Variants in IMMP2L observed in about 807,000 individuals in gnomAD.
The protein encoded by IMMP2L is inner mitochondrial membrane peptidase subunit 2.
A neutral mutation model predicts 19.3 loss-of-function variants in IMMP2L; 18 were observed. The ratio of observed to expected loss-of-function variants is 0.93; its 90% CI spans 0.64 to 1.38. IMMP2L has a LOEUF of 1.38. IMMP2L is among the 40% of genes most tolerant of loss of function. The pLI is 0.00. For missense variants in IMMP2L, 233 were observed against 218.2 expected (o/e 1.07, Z -0.43); for synonymous variants, 76 against 73.0 (o/e 1.04, Z -0.21).
At chr7:111,038,572 G>A (rs901079064) in intron 3 of IMMP2L, among the ~76,000 whole-genome samples, 8 of 152,242 alleles carry the variant, frequency 5.3e-5, no homozygotes, top group South Asian at 2.1e-4. Context: ...TAACTAAAAT[G>A]TAAAGAGGTG....
At chr7:111,488,763 T>C (rs529844733) in intron 2 of IMMP2L, among the ~76,000 whole-genome samples, 1 of 152,292 alleles carries the variant, frequency 6.6e-6, no homozygotes, top group South Asian at 2.1e-4. Flanking sequence ...ACTTTAGTTA[T>C]TTAAGGAACC....
chr7:111,243,249 T>C (rs1815368083), intron 3 of IMMP2L, among the ~76,000 whole-genome samples: 1 of 151,994 alleles, frequency 6.6e-6, no homozygotes, highest in African/African-American at 2.4e-5. Flanking sequence ...AATTATAAAA[T>C]ATTTATTATG....
intron 3 of IMMP2L, among the ~76,000 whole-genome samples, chr7:111,172,099 A>T (rs1806510349): frequency 6.6e-6 from 1 of 151,520 alleles, no homozygotes; most frequent in African/African-American, 2.4e-5. Context: ...ATCTATGTAT[A>T]GTCAAGACTA....
chr7:111,459,566 G>A (rs912254864), intron 3 of IMMP2L, among the ~76,000 whole-genome samples: 1 of 151,928 alleles, frequency 6.6e-6, no homozygotes, highest in Admixed American at 6.6e-5. Context: ...CCCCCTTTAA[G>A]AGTAAACATG....
intron 5 of IMMP2L, among the ~76,000 whole-genome samples, chr7:110,706,597 T>C (rs1794698163): frequency 6.6e-6 from 1 of 152,194 alleles, no homozygotes; most frequent in Non-Finnish European, 1.5e-5. Context: ...TGCATTTCTC[T>C]GATGACTGGT....
chr7:110,800,305 G>A (rs1165000563), intron 5 of IMMP2L, among the ~76,000 whole-genome samples: 1 of 151,982 alleles, frequency 6.6e-6, no homozygotes, highest in Non-Finnish European at 1.5e-5. Context: ...AATACAGAGA[G>A]CAAATTATCA....
chr7:111,348,032 G>GC (rs376887470), intron 3 of IMMP2L, among the ~76,000 whole-genome samples: 1 of 150,926 alleles, frequency 6.6e-6, no homozygotes, highest in Admixed American at 6.6e-5. Context: ...GCAAACTATC[G>GC]CAAGGACAGA....
At chr7:111,444,672 G>T (rs1000237658) in intron 3 of IMMP2L, among the ~76,000 whole-genome samples, 1 of 151,930 alleles carries the variant, frequency 6.6e-6, no homozygotes, top group Non-Finnish European at 1.5e-5. Context: ...CAGCCATACA[G>T]ACAAAATTTA....
At chr7:111,137,667 T>C (rs1802479939) in intron 3 of IMMP2L, among the ~76,000 whole-genome samples, 1 of 152,212 alleles carries the variant, frequency 6.6e-6, no homozygotes, top group African/African-American at 2.4e-5. Flanking sequence ...TCAGAAGCAG[T>C]CCATTTCTAA....
intron 5 of IMMP2L, among the ~76,000 whole-genome samples, chr7:110,705,742 C>T (rs571845289): frequency 2.0e-5 from 3 of 152,056 alleles, no homozygotes; most frequent in South Asian, 4.2e-4. Context: ...CTTCCCCTCC[C>T]TTTCCCCCTT....
At chr7:110,818,135 T>C (rs1217431453) in intron 5 of IMMP2L, among the ~76,000 whole-genome samples, 12 of 150,040 alleles carry the variant, frequency 8.0e-5, no homozygotes, top group Non-Finnish European at 1.0e-4. Context: ...AACTAAAGAG[T>C]TTCTGCACAG....
intron 3 of IMMP2L, among the ~76,000 whole-genome samples, chr7:111,176,536 T>C (rs1352426341): frequency 6.6e-6 from 1 of 150,716 alleles, no homozygotes; most frequent in Non-Finnish European, 1.5e-5. Context: ...ACAAATCTCA[T>C]GTTTTCACTT....
intron 5 of IMMP2L, among the ~76,000 whole-genome samples, chr7:110,846,032 T>G (rs1005539292): frequency 7.9e-5 from 12 of 152,156 alleles, no homozygotes; most frequent in African/African-American, 2.2e-4. Context: ...ATTCTAAGTT[T>G]CCTAGTTTAT....
chr7:110,771,671 G>A (rs375074474), intron 5 of IMMP2L, among the ~76,000 whole-genome samples: 1 of 152,134 alleles, frequency 6.6e-6, no homozygotes, highest in Admixed American at 6.6e-5. Flanking sequence ...CTAAACATAC[G>A]AGGGTAGAGT....
intron 3 of IMMP2L, among the ~76,000 whole-genome samples, chr7:110,999,943 G>T (rs1823483713): frequency 1.3e-5 from 2 of 152,030 alleles, no homozygotes. Flanking sequence ...GAGAGAGTGA[G>T]AAACTCCCTC....
At chr7:111,531,845 T>C (rs1489462921) in intron 1 of IMMP2L, among the ~76,000 whole-genome samples, 1 of 152,158 alleles carries the variant, frequency 6.6e-6, no homozygotes, top group Non-Finnish European at 1.5e-5. Flanking sequence ...CCATTTTTTC[T>C]TGAAGTAATA....
chr7:111,488,399 T>C (rs1372721129), intron 2 of IMMP2L, among the ~76,000 whole-genome samples: 1 of 152,118 alleles, frequency 6.6e-6, no homozygotes, highest in East Asian at 1.9e-4. Context: ...TGTGCCCTCA[T>C]AGCTTAGCTC....
intron 1 of IMMP2L, among the ~76,000 whole-genome samples, chr7:111,537,417 C>A (rs185644461): frequency 6.6e-6 from 1 of 151,718 alleles, no homozygotes; most frequent in East Asian, 1.9e-4. Context: ...CTAACTTTCT[C>A]TTACTTTAAA....
At chr7:111,178,243 T>A (rs1465447735) in intron 3 of IMMP2L, among the ~76,000 whole-genome samples, 3 of 152,144 alleles carry the variant, frequency 2.0e-5, no homozygotes, top group Non-Finnish European at 4.4e-5. Flanking sequence ...CTGTACTTTA[T>A]TAAATGTGTA....
Sources: gnomAD v4.1 joint callset for allele counts (sites outside exome capture counted in the v4.1 genomes callset) on GRCh38, gnomAD v4.1.1 for gene constraint, MANE v1.5 for transcripts, NCBI Gene and HGNC (gene_info 2026-07-23, HGNC 2026-07-21) for gene names.